Variants in FAM107B observed in about 807,000 individuals in gnomAD.
FAM107B encodes protein FAM107B.
A neutral mutation model predicts 31.5 loss-of-function variants in FAM107B; 21 were observed. That is an observed-to-expected ratio of 0.67 (90% CI 0.47 to 0.96). The LOEUF (loss-of-function observed/expected upper bound fraction) is 0.96, where lower values mean the gene tolerates loss of function less well. FAM107B is among the 40% of genes least tolerant of loss of function. FAM107B has a pLI of 0.00. For synonymous variants in FAM107B, 157 were observed against 141.5 expected, an observed-to-expected ratio of 1.11 and a Z score of -0.78; for missense variants, 452 against 377.1, an observed-to-expected ratio of 1.20 and a Z score of -1.64.
chr10:14,760,927 G>A (rs534861117), intron 1 of FAM107B, among the ~76,000 whole-genome samples: 4 of 147,896 alleles, frequency 2.7e-5, no homozygotes, highest in African/African-American at 1.0e-4. Flanking sequence ...CAGGAGAATC[G>A]CTTGAACCCG....
intron 2 of FAM107B, among the ~76,000 whole-genome samples, chr10:14,599,853 CAAA>C (rs35147350): frequency 4.8e-5 from 6 of 126,018 alleles, no homozygotes; most frequent in Non-Finnish European, 1.7e-5. Context: ...CCTTGATCTA[CAAA>C]AAAAAAAAAA....
At chr10:14,680,307 C>G (rs1233833735) in intron 1 of FAM107B, among the ~76,000 whole-genome samples, 1 of 152,094 alleles carries the variant, frequency 6.6e-6, no homozygotes, top group Non-Finnish European at 1.5e-5. Flanking sequence ...GGTGCGGTGG[C>G]TCATGACTGT....
chr10:14,563,655 TTTGGTGTGG>T (rs1381140443), intron 2 of FAM107B, among the ~76,000 whole-genome samples: 1 of 152,186 alleles, frequency 6.6e-6, no homozygotes, highest in African/African-American at 2.4e-5. Flanking sequence ...CTCATCAGGT[TTTGGTGTGG>T]TATCAAGGAA....
chr10:14,659,209 G>C (rs908843885), intron 2 of FAM107B, among the ~76,000 whole-genome samples: 6 of 152,138 alleles, frequency 3.9e-5, no homozygotes, highest in African/African-American at 1.4e-4. Flanking sequence ...GGGAGGCTGA[G>C]GTGGGTGGAT....
chr10:14,659,408 T>C (rs1854163816), intron 2 of FAM107B, among the ~76,000 whole-genome samples: 1 of 151,782 alleles, frequency 6.6e-6, no homozygotes, highest in South Asian at 2.1e-4. Context: ...CCCACTTCAC[T>C]CCAGCCTAGG....
chr10:14,643,129 A>G (rs201306532), intron 2 of FAM107B, among the ~76,000 whole-genome samples: 1 of 88,874 alleles, frequency 1.1e-5, no homozygotes, highest in African/African-American at 4.1e-5. Context: ...AGATAGACAG[A>G]TAGATAGCTT....
rs147468085 is a variant in FAM107B, at chr10:14,556,537, G to C, written c.470-26022C>G. The stretch of plus-strand genomic sequence containing the variant: ...AAAACAAAGCCGTGCGCAACGTTTA[G>C]ACTTGACTGACACCTACTGTGTGCT... On this transcript the variant is annotated intron_variant, in intron 2 of 4. Transcript: ENST00000181796. 298 of 352,316 alleles carry C rather than the reference G, an allele frequency of 8.5e-4. 2 individuals carry two copies. The highest frequency in any genetic ancestry group is 6.4e-3 in the African/African-American group (289 of 45,352). 21.8% of individuals were successfully genotyped at this position (352,316 alleles called of 1,614,324 possible).
At chr10:14,734,488 G>GTGTTTTTGTTTTTTTTTTTT (rs558940939) in intron 1 of FAM107B, among the ~76,000 whole-genome samples, 5 of 138,544 alleles carry the variant, frequency 3.6e-5, no homozygotes, top group African/African-American at 1.4e-4. Context: ...TTTTTGTGAG[G>GTGTTTTTGTTTTTTTTTTTT]TTTTTTTTTT....
chr10:14,572,736 A>ATTTTATATATATAT (rs1455058375), intron 2 of FAM107B, among the ~76,000 whole-genome samples: 4,000 of 86,190 alleles, frequency 0.046, 274 homozygotes, highest in South Asian at 0.14. Context: ...AAAAAAAAAA[A>ATTTTATATATATAT]ATTTATATAT....
chr10:14,773,904 G>A (rs985130654), intron 1 of FAM107B, among the ~76,000 whole-genome samples: 1 of 152,020 alleles, frequency 6.6e-6, no homozygotes, highest in Non-Finnish European at 1.5e-5. Flanking sequence ...ACCGGTGGGG[G>A]TGGAGGGGGA....
chr10:14,583,284 T>C (rs112888822), intron 2 of FAM107B, among the ~76,000 whole-genome samples: 50 of 152,106 alleles, frequency 3.3e-4, no homozygotes, highest in African/African-American at 1.2e-3. Context: ...ACATATCCCT[T>C]CTGCTTGGCT....
chr10:14,750,603 C>A (rs769952202), intron 1 of FAM107B, among the ~76,000 whole-genome samples: 33 of 152,234 alleles, frequency 2.2e-4, no homozygotes, highest in Non-Finnish European at 4.4e-4. Flanking sequence ...CAGAGTGAGA[C>A]TCTGTCTCAA....
chr10:14,737,675 C>G (rs1856332866), intron 1 of FAM107B, among the ~76,000 whole-genome samples: 1 of 151,774 alleles, frequency 6.6e-6, no homozygotes, highest in Non-Finnish European at 1.5e-5. Flanking sequence ...AGGGAAATGA[C>G]CTAAGAAAAA....
chr10:14,740,933 T>C (rs992412975), intron 1 of FAM107B, among the ~76,000 whole-genome samples: 1 of 152,214 alleles, frequency 6.6e-6, no homozygotes, highest in Non-Finnish European at 1.5e-5. Flanking sequence ...TTTCTGTCAC[T>C]TGTGATCAAA....
chr10:14,758,463 C>T (rs961596826), intron 1 of FAM107B, among the ~76,000 whole-genome samples: 6 of 152,132 alleles, frequency 3.9e-5, no homozygotes, highest in South Asian at 2.1e-4. Context: ...TTTAAAAATA[C>T]GGGTGCCATA....
At chr10:14,562,720 T>G (rs1850345490) in intron 2 of FAM107B, among the ~76,000 whole-genome samples, 1 of 152,234 alleles carries the variant, frequency 6.6e-6, no homozygotes, top group Non-Finnish European at 1.5e-5. Context: ...TCCCCAGATG[T>G]GAGCTGCCCT....
intron 1 of FAM107B, among the ~76,000 whole-genome samples, chr10:14,752,574 T>A (rs2131583379): frequency 6.6e-6 from 1 of 152,276 alleles, no homozygotes; most frequent in East Asian, 1.9e-4. Context: ...TTTAATCGCA[T>A]CGTGTATGTG....
At chr10:14,574,115 C>T (rs943196417) in intron 2 of FAM107B, among the ~76,000 whole-genome samples, 1 of 152,122 alleles carries the variant, frequency 6.6e-6, no homozygotes, top group Admixed American at 6.5e-5. Flanking sequence ...GGGTTTAGTA[C>T]AATACACAAA....
At chr10:14,638,440 T>A (rs1428621854) in intron 2 of FAM107B, among the ~76,000 whole-genome samples, 1 of 152,206 alleles carries the variant, frequency 6.6e-6, no homozygotes, top group Non-Finnish European at 1.5e-5. Flanking sequence ...AAAATCCACC[T>A]ACTCCCAATG....
Sources: allele counts gnomAD v4.1 joint callset (sites outside exome capture counted in the v4.1 genomes callset), GRCh38; gene constraint gnomAD v4.1.1; transcripts MANE v1.5; gene names NCBI Gene and HGNC (gene_info 2026-07-23, HGNC 2026-07-21).